IL1RAPL2: variants seen among roughly 807,000 people sequenced by gnomAD.
The protein encoded by IL1RAPL2 is X-linked interleukin-1 receptor accessory protein-like 2.
IL1RAPL2 carries 3 observed loss-of-function variants against 44.1 expected under a neutral mutation model. The observed-to-expected ratio is 0.07, with a 90% CI of 0.03 to 0.18. The LOEUF is 0.18. Among genes scored for constraint, IL1RAPL2 ranks in the 10% least tolerant of loss-of-function variants. The pLI is 1.00. For synonymous variants in IL1RAPL2, 181 were observed against 178.8 expected (o/e 1.01, Z -0.10); for missense variants, 391 against 496.4 (o/e 0.79, Z 2.02).
At chrX:105,244,547 G>T (rs1202198549) in intron 4 of IL1RAPL2, among the ~76,000 whole-genome samples, 1 of 111,113 alleles carries the variant, frequency 9.0e-6, no homozygotes, top group African/African-American at 3.3e-5. Flanking sequence ...GAAACTCAGA[G>T]AGCTCAAAAC....
chrX:104,649,005 A>T (rs755151943), intron 1 of IL1RAPL2, among the ~76,000 whole-genome samples: 7 of 110,627 alleles, frequency 6.3e-5, no homozygotes, highest in Non-Finnish European at 1.1e-4. Flanking sequence ...TATTCCTCTT[A>T]TCTATTCCCC....
chrX:104,597,531 C>T (rs907137010), intron 1 of IL1RAPL2, among the ~76,000 whole-genome samples: 2 of 111,273 alleles, frequency 1.8e-5, no homozygotes, highest in African/African-American at 3.3e-5. Context: ...GAAGAGGGAA[C>T]AGCTATGAGA....
intron 2 of IL1RAPL2, among the ~76,000 whole-genome samples, chrX:104,802,101 T>A (rs1243156199): frequency 9.0e-6 from 1 of 110,526 alleles, no homozygotes; most frequent in African/African-American, 3.3e-5. Context: ...TCCCAGCACT[T>A]TGGGAGGCTG....
At chrX:105,081,316 C>G (rs902204784) in intron 2 of IL1RAPL2, among the ~76,000 whole-genome samples, 1 of 111,476 alleles carries the variant, frequency 9.0e-6, no homozygotes, top group Non-Finnish European at 1.9e-5. Context: ...GGGAATGCTT[C>G]CAATTTTTGC....
At chrX:104,905,026 T>A (rs1259617593) in intron 2 of IL1RAPL2, among the ~76,000 whole-genome samples, 4 of 110,824 alleles carry the variant, frequency 3.6e-5, no homozygotes, top group Non-Finnish European at 7.6e-5. Flanking sequence ...CTCATTGTGG[T>A]TTTGATTTGC....
At chrX:104,752,735 G>T (rs189109838) in intron 2 of IL1RAPL2, among the ~76,000 whole-genome samples, 1 of 110,919 alleles carries the variant, frequency 9.0e-6, no homozygotes, top group Non-Finnish European at 1.9e-5. Context: ...TTTTCTTGGT[G>T]TAGGCTCATG....
intron 5 of IL1RAPL2, among the ~76,000 whole-genome samples, chrX:105,454,291 C>G (rs2036040191): frequency 9.0e-6 from 1 of 111,559 alleles, no homozygotes; most frequent in African/African-American, 3.3e-5. Context: ...GCTGTGTTTC[C>G]CACTCCTTGG....
chrX:105,435,654 A>G (rs1359426870), intron 5 of IL1RAPL2, among the ~76,000 whole-genome samples: 41 of 112,088 alleles, frequency 3.7e-4, no homozygotes, highest in Non-Finnish European at 1.5e-4. Context: ...AATGTCCATC[A>G]ATGATAGACT....
At chrX:104,592,042 T>C (rs1220557931) in intron 1 of IL1RAPL2, among the ~76,000 whole-genome samples, 2 of 107,593 alleles carry the variant, frequency 1.9e-5, no homozygotes, top group African/African-American at 7.0e-5. Flanking sequence ...TAGGTATTTG[T>C]TTGTTTGTTT....
rs60573121 is a variant in IL1RAPL2, at chrX:104,846,512, C to T, written c.82+187517C>T. ...GTTTCCAGCTTCATCCATGTCCCTACAAAGGACATGAACTCATCCTTTTTT... is the reference window on the plus strand; with the variant it reads ...GTTTCCAGCTTCATCCATGTCCCTATAAAGGACATGAACTCATCCTTTTTT... On this transcript the variant is annotated intron_variant, in intron 2 of 10. Coordinates refer to ENST00000372582, the MANE Select transcript of IL1RAPL2 (RefSeq NM_017416.2). Among the ~76,000 whole-genome samples, 719 of 111,426 alleles carry T rather than the reference C, an allele frequency of 6.5e-3. 3 individuals carry two copies. The highest frequency in any genetic ancestry group is 0.022 in the African/African-American group (682 of 30,664).
chrX:105,673,742 A>T (rs1425209750), intron 6 of IL1RAPL2, among the ~76,000 whole-genome samples: 2 of 112,045 alleles, frequency 1.8e-5, no homozygotes, highest in Non-Finnish European at 3.8e-5. Flanking sequence ...AGGAATTGCC[A>T]CACCGTCTTC....
intron 2 of IL1RAPL2, among the ~76,000 whole-genome samples, chrX:104,872,432 G>A (rs1452018936): frequency 1.8e-5 from 2 of 111,887 alleles, no homozygotes; most frequent in Non-Finnish European, 3.8e-5. Context: ...GGGCCATGAA[G>A]GGAGCCCATG....
At chrX:105,000,251 T>C (rs901402057) in intron 2 of IL1RAPL2, among the ~76,000 whole-genome samples, 1 of 112,321 alleles carries the variant, frequency 8.9e-6, no homozygotes, top group African/African-American at 3.2e-5. Context: ...AGGAAGGACA[T>C]CTGTTACTAC....
At chrX:105,328,359 T>C (rs1388471311) in intron 5 of IL1RAPL2, among the ~76,000 whole-genome samples, 2 of 112,045 alleles carry the variant, frequency 1.8e-5, no homozygotes, top group Non-Finnish European at 3.8e-5. Context: ...TGATTTCAAC[T>C]GCTCTGATTC....
At chrX:105,622,149 A>G (rs770114317) in intron 6 of IL1RAPL2, among the ~76,000 whole-genome samples, 6 of 110,096 alleles carry the variant, frequency 5.4e-5, no homozygotes, top group Admixed American at 2.9e-4. Flanking sequence ...CAATTATACC[A>G]AATTTGACAT....
At chrX:104,793,923 G>A (rs1209060899) in intron 2 of IL1RAPL2, among the ~76,000 whole-genome samples, 1 of 111,110 alleles carries the variant, frequency 9.0e-6, no homozygotes, top group Non-Finnish European at 1.9e-5. Context: ...ACAACATGGG[G>A]ATTTGTCTTG....
intron 2 of IL1RAPL2, among the ~76,000 whole-genome samples, chrX:105,044,995 C>G (rs866822363): frequency 1.8e-5 from 2 of 111,430 alleles, no homozygotes; most frequent in Non-Finnish European, 3.8e-5. Context: ...ACAGATAACT[C>G]TAAGAGCAAT....
At chrX:105,332,834 A>G (rs1468719082) in intron 5 of IL1RAPL2, among the ~76,000 whole-genome samples, 1 of 111,605 alleles carries the variant, frequency 9.0e-6, no homozygotes, top group Non-Finnish European at 1.9e-5. Flanking sequence ...CCGTAATGAA[A>G]ACTGCAAAAC....
intron 2 of IL1RAPL2, among the ~76,000 whole-genome samples, chrX:104,662,246 T>C (rs1930415302): frequency 8.9e-6 from 1 of 112,123 alleles, no homozygotes; most frequent in Non-Finnish European, 1.9e-5. Flanking sequence ...GTAATGCCCA[T>C]TCACACTGGG....
Sources: allele counts gnomAD v4.1 joint callset (sites outside exome capture counted in the v4.1 genomes callset), GRCh38; gene constraint gnomAD v4.1.1; transcripts MANE v1.5; gene names NCBI Gene and HGNC (gene_info 2026-07-23, HGNC 2026-07-21).